Variants in AHI1 observed in about 807,000 individuals in gnomAD.
AHI1 encodes the protein Abelson helper integration site 1.
In AHI1, 123 loss-of-function variants were observed where a neutral mutation model predicts 149.3. That is an observed-to-expected ratio of 0.82 (90% CI 0.71 to 0.96). The LOEUF (loss-of-function observed/expected upper bound fraction) is 0.96. Ranked by LOEUF, AHI1 falls within the 40% of genes least tolerant of loss-of-function variation. The pLI, the probability that AHI1 is intolerant of heterozygous loss-of-function variation, is 0.00. For synonymous variants in AHI1, 475 were observed against 459.8 expected, an observed-to-expected ratio of 1.03 and a Z score of -0.42; for missense variants, 1,439 against 1,422.7, an observed-to-expected ratio of 1.01 and a Z score of -0.18.
intron 7 of AHI1, among the ~76,000 whole-genome samples, 155 bp downstream of exon 7, chr6:135,465,659 G>A (rs1790625660): frequency 6.6e-6 from 1 of 152,156 alleles, no homozygotes; most frequent in Non-Finnish European, 1.5e-5. Flanking sequence ...TACATAGTAA[G>A]GTGTTATGTA....
chr6:135,302,994 G>C (rs1013830407), intron 26 of AHI1, among the ~76,000 whole-genome samples: 101 of 152,334 alleles, frequency 6.6e-4, no homozygotes, highest in African/African-American at 2.3e-3. Flanking sequence ...GGGATGAAGA[G>C]AGGAAAAACG....
At chr6:135,380,952 T>C (rs1028127006) in intron 23 of AHI1, among the ~76,000 whole-genome samples, 2 of 152,170 alleles carry the variant, frequency 1.3e-5, no homozygotes, top group Admixed American at 1.3e-4. Flanking sequence ...AAGATTTTCA[T>C]ATCCAAAGCA....
At chr6:135,454,415 T>C (rs1788602435) in intron 10 of AHI1, among the ~76,000 whole-genome samples, 1 of 152,186 alleles carries the variant, frequency 6.6e-6, no homozygotes, top group African/African-American at 2.4e-5. Context: ...ACAAAAATTA[T>C]AACTTATTTA....
intron 3 of AHI1, among the ~76,000 whole-genome samples, chr6:135,493,233 A>C (rs1795503204): frequency 6.6e-6 from 1 of 152,188 alleles, no homozygotes; most frequent in Non-Finnish European, 1.5e-5. Flanking sequence ...TCCTGACCTC[A>C]TATGATCTGC....
At chr6:135,291,024 G>C (rs184094624) in intron 27 of AHI1, among the ~76,000 whole-genome samples, 1 of 152,050 alleles carries the variant, frequency 6.6e-6, no homozygotes, top group African/African-American at 2.4e-5. Context: ...CTGATCTGTG[G>C]AATGAACAAT....
chr6:135,303,723 C>T (rs955414361), intron 26 of AHI1, among the ~76,000 whole-genome samples: 4 of 152,130 alleles, frequency 2.6e-5, no homozygotes, highest in Non-Finnish European at 5.9e-5. Flanking sequence ...AATGGCAAAA[C>T]TATTTTCAAT....
intron 9 of AHI1, 141 bp downstream of exon 9, chr6:135,457,353 G>C (rs373868266): frequency 1.6e-6 from 1 of 625,770 alleles, no homozygotes; most frequent in South Asian, 2.0e-5. Context: ...GTTAATGACT[G>C]ATGAACACCT....
At chr6:135,442,347 T>C (rs1035509851) in intron 14 of AHI1, among the ~76,000 whole-genome samples, 6 of 152,202 alleles carry the variant, frequency 3.9e-5, no homozygotes, top group African/African-American at 1.4e-4. Context: ...CTGCATGTTT[T>C]AAAAATAAAT....
At chr6:135,461,635 G>T (rs1042173431) in intron 8 of AHI1, among the ~76,000 whole-genome samples, 1 of 151,920 alleles carries the variant, frequency 6.6e-6, no homozygotes, top group Non-Finnish European at 1.5e-5. Context: ...GTGAATTACC[G>T]CTTTACTTAT....
At chr6:135,461,990 T>C (rs1011591678) in intron 8 of AHI1, among the ~76,000 whole-genome samples, 6 of 152,062 alleles carry the variant, frequency 3.9e-5, no homozygotes, top group African/African-American at 4.8e-5. Flanking sequence ...ATTTAGGTAA[T>C]GATTTTATAG....
rs146797187 is a variant in AHI1, at chr6:135,353,017, A to G, written c.3165+5115T>C. ...CAGGTAGAAAAATTTAGCAAAACCA[A>G]AAGAGAAATGGAGGAAAAAAAGTCT... is the stretch of plus-strand genomic sequence containing the variant. On this transcript the variant is annotated intron_variant, in intron 24 of 28. Transcript: ENST00000265602. Among the ~76,000 whole-genome samples, 384 of 152,062 alleles carry G rather than the reference A, an allele frequency of 2.5e-3. 5 individuals are homozygous for G. The highest frequency in any genetic ancestry group is 8.4e-3 in the African/African-American group (350 of 41,518).
At chr6:135,427,407 G>A in intron 19 of AHI1, 100 bp from the exon 20 acceptor site, 1 of 1,003,360 alleles carries the variant, frequency 1.0e-6, no homozygotes. Context: ...AATATTTATA[G>A]CAATGATGCT....
chr6:135,317,623 T>A (rs1786168164), intron 26 of AHI1, among the ~76,000 whole-genome samples: 1 of 152,104 alleles, frequency 6.6e-6, no homozygotes, highest in Non-Finnish European at 1.5e-5. Context: ...CTTGCAGGTG[T>A]GTGCACCAGC....
chr6:135,491,628 A>T (rs1263837026), intron 4 of AHI1, among the ~76,000 whole-genome samples: 1 of 152,226 alleles, frequency 6.6e-6, no homozygotes, highest in Non-Finnish European at 1.5e-5. Flanking sequence ...TTTCCCCCAT[A>T]ACTACATCCC....
At chr6:135,440,397 A>G (rs1117886) in intron 14 of AHI1, among the ~76,000 whole-genome samples, 149,023 of 152,210 alleles carry the variant, frequency 0.98, 72,960 homozygotes, top group East Asian at 1. Flanking sequence ...AAATGAAACA[A>G]AACAAAACAA....
chr6:135,326,346 G>A (rs1023463699), intron 24 of AHI1, among the ~76,000 whole-genome samples: 6 of 152,214 alleles, frequency 3.9e-5, no homozygotes, highest in African/African-American at 1.2e-4. Flanking sequence ...AGGAGAGGCA[G>A]TAGGAGAAAC....
intron 13 of AHI1, among the ~76,000 whole-genome samples, chr6:135,446,055 CA>C (rs1046241155): frequency 1.2e-4 from 16 of 138,812 alleles, no homozygotes; most frequent in Non-Finnish European, 1.9e-4. Context: ...GTCTCCGTCT[CA>C]AAAAAAAAAC....
chr6:135,371,000 C>T (rs1330552535), intron 23 of AHI1, among the ~76,000 whole-genome samples: 3 of 152,150 alleles, frequency 2.0e-5, no homozygotes, highest in African/African-American at 7.2e-5. Flanking sequence ...AGATACTATA[C>T]ATACCAATAT....
intron 17 of AHI1, among the ~76,000 whole-genome samples, chr6:135,430,361 A>C (rs1178111873): frequency 1.3e-5 from 2 of 151,906 alleles, no homozygotes; most frequent in East Asian, 3.8e-4. Context: ...TATAAATTCA[A>C]AACCACATGT....
Sources: gnomAD v4.1 joint callset for allele counts (sites outside exome capture counted in the v4.1 genomes callset) on GRCh38, gnomAD v4.1.1 for gene constraint, MANE v1.5 for transcripts, NCBI Gene and HGNC (gene_info 2026-07-23, HGNC 2026-07-21) for gene names.